Variants in ICE2 observed in about 807,000 individuals in gnomAD.
ICE2 encodes the protein little elongation complex subunit 2.
Under a neutral mutation model 105.4 loss-of-function variants are expected in ICE2, and 87 were observed. The observed-to-expected ratio is 0.83, with a 90% CI of 0.69 to 0.99. The LOEUF is 0.99. ICE2 is among the 50% of genes least tolerant of loss of function. The pLI is 0.00. For missense variants in ICE2, 1,323 were observed against 1,146.7 expected (o/e 1.15, Z -2.22); for synonymous variants, 399 against 392.0 (o/e 1.02, Z -0.21).
chr15:60,430,756 G>C (rs910114097), intron 14 of ICE2, among the ~76,000 whole-genome samples: 4 of 152,086 alleles, frequency 2.6e-5, no homozygotes, highest in Admixed American at 1.3e-4. Context: ...TTTAACATTT[G>C]GTAAGGGCAT....
intron 12 of ICE2, chr15:60,440,828 A>G (rs1224003275): frequency 6.6e-6 from 1 of 152,172 alleles, no homozygotes; most frequent in Non-Finnish European, 1.5e-5. Context: ...ACCATACAAT[A>G]TATGCTTTTC....
In ICE2 at chr15:60,436,158, T is replaced by G; in HGVS notation, c.2495A>C (p.Lys832Thr). The G allele has an allele frequency of 2.1e-6, 3 of 1,453,890 alleles. No homozygotes were observed. The highest frequency in any genetic ancestry group is 2.8e-6 in the Non-Finnish European group (3 of 1,078,928). 90.1% of individuals were successfully genotyped at this position (1,453,890 alleles called of 1,614,324 possible). Reference sequence around the variant, plus strand: ...ACTTTCTTACTTGAGTGCTGAAAGCTTTTCTTTTAATTCTTCTGAGGTAAT... The same window carrying G: ...ACTTTCTTACTTGAGTGCTGAAAGCGTTTCTTTTAATTCTTCTGAGGTAAT... ...EEITSEELKE[K>T]LSALKISNLF... The change falls in exon 13 of 16, where the codon AAG becomes ACG. Residue 832 changes from lysine (K) to threonine (T), a missense_variant. Transcript: ENST00000261520.
intron 8 of ICE2, among the ~76,000 whole-genome samples, chr15:60,454,434 C>G (rs879832332): frequency 6.6e-6 from 1 of 152,036 alleles, no homozygotes; most frequent in Non-Finnish European, 1.5e-5. Flanking sequence ...AAAGACAGAA[C>G]AACCTGACCA....
chr15:60,420,325 C>T lies in ICE2; in HGVS notation c.*3309G>A, dbSNP rs1193694422. 1.3e-5 allele frequency: 2 copies of T among 151,082 alleles called. No homozygotes were observed. The highest frequency in any genetic ancestry group is 2.9e-5 in the Non-Finnish European group (2 of 67,816). The allele number at this position is 151,082 out of a possible 1,614,324, so 9.4% of individuals were successfully genotyped here. A position where few individuals can be genotyped will look rare whatever the true frequency, so the allele number is the denominator to read the frequency against. ...TGTCATTTTTTTTTTTTTCCTTATA[C>T]ATCACTTGAGCCCACTCCTATTCTT... On this transcript the variant is annotated 3_prime_UTR_variant, in exon 16 of 16. Transcript: ENST00000261520.
intron 12 of ICE2, among the ~76,000 whole-genome samples, chr15:60,436,978 T>C (rs1307043910): frequency 6.6e-6 from 1 of 152,104 alleles, no homozygotes; most frequent in East Asian, 1.9e-4. Flanking sequence ...TTAGACTGGG[T>C]GTGGTGGCTC....
chr15:60,454,042 T>A (rs543071540), intron 8 of ICE2, among the ~76,000 whole-genome samples: 2 of 152,310 alleles, frequency 1.3e-5, no homozygotes, highest in African/African-American at 4.8e-5. Context: ...ACTATTATAT[T>A]CTTACTGTCA....
At chr15:60,445,126 A>G (rs1363635954) in intron 11 of ICE2, among the ~76,000 whole-genome samples, 1 of 152,246 alleles carries the variant, frequency 6.6e-6, no homozygotes, top group African/African-American at 2.4e-5. Context: ...ATAATTGAAG[A>G]ACTGAGGAAA....
chr15:60,449,190 C>T lies in ICE2; in HGVS notation c.1777G>A (p.Ala593Thr), dbSNP rs1363594581. 1 of 1,614,108 alleles carries T rather than the reference C, an allele frequency of 6.2e-7. No individual in the cohort carries two copies. Among genetic ancestry groups the T allele is most frequent in the Non-Finnish European group, 8.5e-7 (1 of 1,179,984 alleles). The change falls in exon 10 of 16, where the codon GCT becomes ACT. Residue 593 changes from alanine to threonine, a missense_variant. Ala to Thr is a moderately conservative substitution (Grantham distance 58). Transcript: ENST00000261520. Reference protein sequence around the residue: ...ECKNNSDGKTAVVGSNLSSRP... With the variant: ...ECKNNSDGKTTVVGSNLSSRP... ...GAACTTAAGTTAGAACCCACAACAG[C>T]TGTCTTTCCATCACTATTATTTTTA...
chr15:60,451,236 G>T, intron 9 of ICE2: 1 of 595,480 alleles, frequency 1.7e-6, no homozygotes, highest in Non-Finnish European at 2.1e-6. Flanking sequence ...AATAAACGAT[G>T]AGAATATATA....
chr15:60,473,984 C>T (rs1595826702), intron 3 of ICE2, among the ~76,000 whole-genome samples: 1 of 151,854 alleles, frequency 6.6e-6, no homozygotes, highest in East Asian at 2.0e-4. Flanking sequence ...TCACAACTCA[C>T]TGCAGTCTCA....
At position 60,449,523 on chromosome 15, in the gene ICE2, T is replaced by C; in HGVS notation, c.1444A>G (p.Lys482Glu). The C allele has an allele frequency of 6.2e-7, 1 of 1,614,204 alleles. No homozygotes were observed. Among genetic ancestry groups the C allele is most frequent in the Non-Finnish European group, 8.5e-7 (1 of 1,180,006 alleles). ...TCAAATCCCTGATCATCTTTATTTT[T>C]GCATTCCTCAGGGCCACCATCCATA... ...TGMDGGPEEC[K>E]NKDDQGFESC... is the part of the protein sequence containing the mutation. The change falls in exon 10 of 16, where the codon AAA becomes GAA. Residue 482 changes from lysine (K) to glutamate (E), a missense_variant. Physicochemically the swap from Lys to Glu is moderately conservative, Grantham distance 56. Transcript: ENST00000261520.
Position 60,466,679 on chromosome 15 carries a change from T to G in ICE2, c.443A>C (p.Glu148Ala), listed in dbSNP as rs894029028. The stretch of plus-strand genomic sequence containing the variant: ...AGAATTCTGCAAAAACTTTAGGAAC[T>G]CAGTAACTTCTTCGTTCACATGTTT... Reference protein sequence around the residue: ...MKKHVNEEVTEFLKFLQNSAK... With the variant: ...MKKHVNEEVTAFLKFLQNSAK... Residue 148 changes from glutamate to alanine, a missense_variant, in exon 5 of 16, where the codon GAG (glutamate) becomes GCG (alanine). Transcript: ENST00000261520. 6.2e-7 allele frequency: 1 copy of G among 1,609,312 alleles called. No individual in the cohort carries two copies. Among genetic ancestry groups the G allele is most frequent in the African/African-American group, 1.3e-5 (1 of 74,886 alleles).
At chr15:60,430,484 CAAACT>C (rs1243220662) in intron 14 of ICE2, among the ~76,000 whole-genome samples, 1 of 152,018 alleles carries the variant, frequency 6.6e-6, no homozygotes, top group African/African-American at 2.4e-5. Flanking sequence ...AGCTAACACA[CAAACT>C]AAATAAAATA....
intron 6 of ICE2, 69 bp downstream of exon 6, chr15:60,456,588 C>CAT: frequency 3.6e-6 from 1 of 275,568 alleles, no homozygotes; most frequent in Non-Finnish European, 7.1e-6. Flanking sequence ...TATATATACA[C>CAT]ACACACACAC....
At chr15:60,438,425 G>C (rs566934959) in intron 12 of ICE2, 2 of 151,984 alleles carry the variant, frequency 1.3e-5, no homozygotes, top group Non-Finnish European at 2.9e-5. Flanking sequence ...TTACCAGATG[G>C]CTTCCTTCTA....
intron 5 of ICE2, among the ~76,000 whole-genome samples, chr15:60,465,356 C>A (rs2064393360): frequency 6.6e-6 from 1 of 152,110 alleles, no homozygotes; most frequent in African/African-American, 2.4e-5. Flanking sequence ...TGCCACCATG[C>A]CAGATAATTC....
At chr15:60,472,722 G>A (rs1366967063) in intron 3 of ICE2, among the ~76,000 whole-genome samples, 1 of 152,094 alleles carries the variant, frequency 6.6e-6, no homozygotes, top group Admixed American at 6.5e-5. Context: ...GCACACTGGC[G>A]TGCACCTATA....
chr15:60,461,945 A>G (rs1268375973), intron 5 of ICE2, among the ~76,000 whole-genome samples: 1 of 152,248 alleles, frequency 6.6e-6, no homozygotes, highest in African/African-American at 2.4e-5. Flanking sequence ...AGTTAATACT[A>G]TTTGAGGCTT....
intron 5 of ICE2, among the ~76,000 whole-genome samples, chr15:60,458,800 C>T (rs987690580): frequency 6.6e-6 from 1 of 152,076 alleles, no homozygotes; most frequent in Non-Finnish European, 1.5e-5. Context: ...AATTCTGACA[C>T]ATGCTACTAC....
Sources: allele counts gnomAD v4.1 joint callset (sites outside exome capture counted in the v4.1 genomes callset), GRCh38; gene constraint gnomAD v4.1.1; transcripts MANE v1.5; gene names NCBI Gene and HGNC (gene_info 2026-07-23, HGNC 2026-07-21).